Variants in SLC2A13 observed in about 807,000 individuals in gnomAD.
SLC2A13 encodes solute carrier family 2 member 13, also known as proton myo-inositol cotransporter.
Under a neutral mutation model 64.4 loss-of-function variants are expected in SLC2A13, and 32 were observed. That is an observed-to-expected ratio of 0.50 (90% confidence interval 0.37 to 0.67). The LOEUF is 0.67. Ranked by LOEUF, SLC2A13 falls within the 30% of genes least tolerant of loss-of-function variation. The pLI is 0.00. For synonymous variants in SLC2A13, 338 were observed against 327.1 expected, an observed-to-expected ratio of 1.03 and a Z score of -0.36; for missense variants, 743 against 829.2, an observed-to-expected ratio of 0.90 and a Z score of 1.28.
intron 1 of SLC2A13, among the ~76,000 whole-genome samples, chr12:40,082,213 C>A (rs1256099813): frequency 6.6e-6 from 1 of 152,214 alleles, no homozygotes; most frequent in Non-Finnish European, 1.5e-5. Context: ...ATAGTGTTCA[C>A]TGAGCAATCC....
intron 7 of SLC2A13, among the ~76,000 whole-genome samples, chr12:39,780,061 A>G (rs190590689): frequency 6.6e-6 from 1 of 152,222 alleles, no homozygotes; most frequent in African/African-American, 2.4e-5. Context: ...AATGTCCTTG[A>G]GTAGATGTAA....
chr12:40,105,635 G>A lies in SLC2A13; in HGVS notation c.174C>T (p.Gly58=), dbSNP rs1939285919. The A allele has an allele frequency of 3.4e-6, 5 of 1,485,078 alleles. No homozygotes were observed. Among genetic ancestry groups the A allele is most frequent in the Admixed American group, 2.5e-5 (1 of 40,050 alleles). 92.0% of individuals were successfully genotyped at this position (1,485,078 alleles called of 1,614,324 possible). A position where few individuals can be genotyped will look rare whatever the true frequency, so the allele number is the denominator to read the frequency against. The part of the protein sequence containing the change: ...STSLQSAGAG[G]GGVGDLERAA... ...CGCGCTCCAGGTCCCCGACGCCGCC[G>A]CCGCCCGCGCCCGCGCTCTGCAGGC... Residue 58 remains glycine (G), a synonymous_variant, in exon 1 of 10, where the codon GGC becomes GGT. Coordinates refer to ENST00000280871, the MANE Select transcript of SLC2A13 (RefSeq NM_052885.4). This position sits in a 1 kb window ranked among gnomAD's most constrained non-coding sequence, Gnocchi z 4.2.
At chr12:40,088,286 A>G (rs1316445206) in intron 1 of SLC2A13, among the ~76,000 whole-genome samples, 3 of 152,256 alleles carry the variant, frequency 2.0e-5, no homozygotes, top group Admixed American at 6.5e-5. Context: ...ACTGAAAAAG[A>G]TGATGCAAAC....
At chr12:39,965,797 T>C (rs1328416488) in intron 3 of SLC2A13, among the ~76,000 whole-genome samples, 1 of 152,140 alleles carries the variant, frequency 6.6e-6, no homozygotes, top group Non-Finnish European at 1.5e-5. Context: ...TATCACTATG[T>C]CTGAAACACA....
chr12:39,822,662 C>T (rs1555241304), intron 7 of SLC2A13, among the ~76,000 whole-genome samples: 1 of 152,136 alleles, frequency 6.6e-6, no homozygotes, highest in Non-Finnish European at 1.5e-5. Flanking sequence ...GGCTTTTATC[C>T]TTATAATAAA....
intron 4 of SLC2A13, among the ~76,000 whole-genome samples, chr12:39,873,991 A>G (rs964279814): frequency 7.2e-5 from 11 of 152,246 alleles, no homozygotes; most frequent in Non-Finnish European, 1.6e-4. Flanking sequence ...TCCCACAGAT[A>G]TGTTATTAAA....
chr12:39,761,842 T>C (rs1047648830), intron 9 of SLC2A13, among the ~76,000 whole-genome samples: 2 of 152,126 alleles, frequency 1.3e-5, no homozygotes, highest in Non-Finnish European at 2.9e-5. Flanking sequence ...CAAACCCAGT[T>C]TGACTTTTAA....
At chr12:39,889,127 G>A (rs1349858355) in intron 4 of SLC2A13, among the ~76,000 whole-genome samples, 1 of 152,018 alleles carries the variant, frequency 6.6e-6, no homozygotes, top group East Asian at 1.9e-4. Flanking sequence ...CAAACCAAAT[G>A]TTGGCTCATA....
At chr12:40,020,684 G>GA (rs34448832) in intron 3 of SLC2A13, among the ~76,000 whole-genome samples, 4,648 of 146,282 alleles carry the variant, frequency 0.032, 98 homozygotes, top group Non-Finnish European at 0.047. Flanking sequence ...TTTGAGGTGG[G>GA]AAAAAAAAAA....
intron 1 of SLC2A13, among the ~76,000 whole-genome samples, chr12:40,084,458 T>C (rs943136398): frequency 2.2e-4 from 34 of 151,916 alleles, no homozygotes; most frequent in African/African-American, 8.3e-4. Context: ...AACACACAAA[T>C]AGCCAGCAAG....
At chr12:39,871,357 A>C in intron 5 of SLC2A13, among the ~76,000 whole-genome samples, 1 of 147,668 alleles carries the variant, frequency 6.8e-6, no homozygotes, top group Non-Finnish European at 1.5e-5. Context: ...ACATGGTTCT[A>C]ATATTCCACT....
At chr12:39,925,202 T>C (rs1240851697) in intron 4 of SLC2A13, among the ~76,000 whole-genome samples, 2 of 151,990 alleles carry the variant, frequency 1.3e-5, no homozygotes, top group East Asian at 3.9e-4. Context: ...CGGCTAATTT[T>C]GTACTTTTTT....
chr12:39,999,043 T>A (rs979638446), intron 3 of SLC2A13, among the ~76,000 whole-genome samples: 1 of 152,204 alleles, frequency 6.6e-6, no homozygotes, highest in African/African-American at 2.4e-5. Context: ...GAAGATTTCA[T>A]GGACACTTAC....
chr12:40,056,087 T>C (rs1948329730), intron 1 of SLC2A13, among the ~76,000 whole-genome samples: 2 of 151,420 alleles, frequency 1.3e-5, no homozygotes, highest in South Asian at 4.2e-4. Flanking sequence ...GGCACCCTTA[T>C]AGTACAAAAT....
chr12:40,038,730 CAAA>C (rs34951191), intron 2 of SLC2A13, among the ~76,000 whole-genome samples: 4 of 107,318 alleles, frequency 3.7e-5, no homozygotes, highest in African/African-American at 3.7e-5. Flanking sequence ...GACCCTGTCT[CAAA>C]AAAAAAAAAA....
intron 4 of SLC2A13, among the ~76,000 whole-genome samples, chr12:39,896,469 T>C (rs1012853614): frequency 1.4e-5 from 2 of 144,666 alleles, no homozygotes; most frequent in South Asian, 2.1e-4. Flanking sequence ...TATGTATACA[T>C]ATATGTATAT....
At chr12:40,100,163 T>C (rs537854649) in intron 1 of SLC2A13, among the ~76,000 whole-genome samples, 1 of 152,316 alleles carries the variant, frequency 6.6e-6, no homozygotes, top group East Asian at 1.9e-4. Context: ...CAAGCTGCAA[T>C]TTACAGCTAC....
intron 4 of SLC2A13, among the ~76,000 whole-genome samples, chr12:39,880,578 G>A (rs1458809306): frequency 6.6e-6 from 1 of 152,070 alleles, no homozygotes; most frequent in Non-Finnish European, 1.5e-5. Context: ...CCTGCAGAAA[G>A]TTTACTTATT....
chr12:39,975,161 T>C (rs1475214259), intron 3 of SLC2A13, among the ~76,000 whole-genome samples: 1 of 152,150 alleles, frequency 6.6e-6, no homozygotes, highest in African/African-American at 2.4e-5. Flanking sequence ...ATGCAACAGA[T>C]AGATATGAAG....
Sources: allele counts gnomAD v4.1 joint callset (sites outside exome capture counted in the v4.1 genomes callset), GRCh38; gene constraint gnomAD v4.1.1; non-coding constraint Gnocchi (gnomAD v3.1); transcripts MANE v1.5; gene names NCBI Gene and HGNC (gene_info 2026-07-23, HGNC 2026-07-21).